Variants in WNK2 observed in about 807,000 individuals in gnomAD.
WNK2 encodes serine/threonine-protein kinase WNK2.
In WNK2, 67 loss-of-function variants were observed where a neutral mutation model predicts 192.1. The observed-to-expected ratio is 0.35, with a 90% CI of 0.29 to 0.43. The LOEUF (loss-of-function observed/expected upper bound fraction) is 0.43. WNK2 is among the 20% of genes least tolerant of loss of function. WNK2 has a pLI of 1.00. For synonymous variants in WNK2, 1,439 were observed against 1,393.9 expected (o/e 1.03, Z -0.72); for missense variants, 2,698 against 3,089.7 (o/e 0.87, Z 3.01).
rs761716684 is a variant in WNK2 at position 93,299,256 on chromosome 9, G to T, written c.6110G>T (p.Gly2037Val). The change falls in exon 25 of 30, where the codon GGC (glycine) becomes GTC (valine). Residue 2037 changes from glycine (G) to valine (V), a missense_variant. By Grantham distance (109) the Gly-to-Val change is moderately radical. This residue lies in a region of WNK2 where 1,098 missense variants were observed against 1,101.0 expected (regional missense o/e 1.00). Coordinates refer to ENST00000427277, the MANE Select transcript of WNK2 (RefSeq NM_006648.4). ...GCCAGTGATGGAGGCGGAGCGCGTG[G>T]CCAAGGTGATTTCCAGCTTGCCTGT... ...GLASDGGGAR[G>V]QGWTVYHPTS... The T allele has an allele frequency of 2.6e-6, 4 of 1,562,752 alleles. No individual in the cohort carries two copies. Among genetic ancestry groups the T allele is most frequent in the Non-Finnish European group, 2.6e-6 (3 of 1,148,296 alleles).
intron 2 of WNK2, among the ~76,000 whole-genome samples, chr9:93,223,834 C>T (rs966007048): frequency 7.2e-5 from 11 of 152,332 alleles, no homozygotes; most frequent in African/African-American, 2.4e-4. Context: ...GGGACACCCT[C>T]CCGGGGGTGG....
intron 16 of WNK2, among the ~76,000 whole-genome samples, chr9:93,265,384 A>G (rs1347825448): frequency 6.6e-6 from 1 of 152,168 alleles, no homozygotes; most frequent in Non-Finnish European, 1.5e-5. Context: ...GTGGGAGATG[A>G]GGAATATGGT....
chr9:93,270,662 C>G (rs2133294852), intron 19 of WNK2, among the ~76,000 whole-genome samples: 1 of 152,322 alleles, frequency 6.6e-6, no homozygotes, highest in African/African-American at 2.4e-5. Context: ...GTAGTTCCAT[C>G]TCCCAGACCA....
chr9:93,317,464 A>G (rs1020840982), intron 28 of WNK2, 56 bp from the exon 29 acceptor site: 4 of 1,565,760 alleles, frequency 2.6e-6, no homozygotes, highest in Non-Finnish European at 2.6e-6. Context: ...CCACTAAGGG[A>G]GGCCAGCTGA....
chr9:93,261,902 C>T lies in WNK2; in HGVS notation c.3155C>T (p.Pro1052Leu), dbSNP rs745454786. 21 of 1,605,338 alleles carry T rather than the reference C, an allele frequency of 1.3e-5. No individual in the cohort carries two copies. Among genetic ancestry groups the T allele is most frequent in the Middle Eastern group, 3.3e-4 (2 of 6,080 alleles). ...GTGCCACCGGCTGCGGTCCTCTCGC[C>T]GCCTCTGCCGGAAGTGCTGCTGCCT... The part of the protein sequence containing the change: ...VPVPPAAVLS[P>L]PLPEVLLPAA... Residue 1052 changes from proline to leucine, a missense_variant, in exon 13 of 30, where the codon CCG (proline) becomes CTG (leucine). Physicochemically the swap from Pro to Leu is moderately conservative, Grantham distance 98 (BLOSUM62 -3). Transcript: ENST00000427277.
At chr9:93,319,006 C>T in intron 29 of WNK2, 2 of 1,516,068 alleles carry the variant, frequency 1.3e-6, no homozygotes, top group Non-Finnish European at 1.8e-6. Flanking sequence ...TATGCAGAAT[C>T]TTCTGCCAGG....
chr9:93,199,259 C>T (rs954970971), intron 2 of WNK2, among the ~76,000 whole-genome samples: 1 of 152,216 alleles, frequency 6.6e-6, no homozygotes, highest in Non-Finnish European at 1.5e-5. Context: ...CAGGACTGAG[C>T]CGAGATGCTT....
chr9:93,187,883 A>G (rs960692447), intron 2 of WNK2, among the ~76,000 whole-genome samples: 1 of 151,244 alleles, frequency 6.6e-6, no homozygotes, highest in Non-Finnish European at 1.5e-5. Flanking sequence ...GGGGCGTTGG[A>G]CTCTGCGAGG....
chr9:93,226,330 G>A (rs914268925), intron 2 of WNK2, among the ~76,000 whole-genome samples: 1 of 152,140 alleles, frequency 6.6e-6, no homozygotes, highest in African/African-American at 2.4e-5. Flanking sequence ...TATACTTCAT[G>A]GTGTCTGTTC....
intron 23 of WNK2, among the ~76,000 whole-genome samples, chr9:93,295,124 CTG>C (rs1457889475): frequency 1.3e-5 from 2 of 152,150 alleles, no homozygotes; most frequent in East Asian, 3.9e-4. Context: ...CCGCGGGGCT[CTG>C]TGGTGAGCAG....
chr9:93,299,382 G>C, intron 25 of WNK2, 121 bp downstream of exon 25: 1 of 1,050,490 alleles, frequency 9.5e-7, no homozygotes, highest in Non-Finnish European at 1.3e-6. Flanking sequence ...CTGTTGAGAG[G>C]CTTCTTTTAA....
At chr9:93,202,325 CGTGTGTGTGTGTGTGTGTGT>C (rs761769543) in intron 2 of WNK2, among the ~76,000 whole-genome samples, 2 of 130,562 alleles carry the variant, frequency 1.5e-5, no homozygotes, top group African/African-American at 5.5e-5. Context: ...TCCGTGTGCA[CGTGTGTGTGTGTGTGTGTGT>C]GTGTGTGTGT....
chr9:93,273,803 G>A (rs72743433), intron 19 of WNK2, among the ~76,000 whole-genome samples: 6,380 of 152,288 alleles, frequency 0.042, 193 homozygotes, highest in East Asian at 0.15. Context: ...TGTCAAGTAT[G>A]TTCTCCGATA....
chr9:93,203,295 G>A (rs954178018), intron 2 of WNK2, among the ~76,000 whole-genome samples: 1 of 152,212 alleles, frequency 6.6e-6, no homozygotes, highest in African/African-American at 2.4e-5. Flanking sequence ...CAGGACCATG[G>A]CTGGAGTGGA....
Position 93,289,000 on chromosome 9 carries a change from C to A in WNK2, c.4246C>A (p.Gln1416Lys). 1 of 1,601,946 alleles carries A rather than the reference C, an allele frequency of 6.2e-7. No homozygotes were observed. ...AGAGCCAGCGTCAGGAACTGCCAGC[C>A]AGGCAGGGGGTCCAGGGACACCTCA... ...MPEPASGTAS[Q>K]AGGPGTPQGL... The change falls in exon 20 of 30, where the codon CAG becomes AAG. Residue 1416 changes from glutamine (Q) to lysine (K), a missense_variant. By Grantham distance (53) the Gln-to-Lys change is moderately conservative (BLOSUM62 1). This residue lies in a region of WNK2 where 1,098 missense variants were observed against 1,101.0 expected (regional missense o/e 1.00). Transcript: ENST00000427277.
intron 2 of WNK2, among the ~76,000 whole-genome samples, chr9:93,215,926 GC>G (rs1273409219): frequency 6.6e-6 from 1 of 152,104 alleles, no homozygotes; most frequent in East Asian, 1.9e-4. Flanking sequence ...CATATTTGAG[GC>G]TCTGGGTGAT....
chr9:93,249,871 C>G (rs1842294466), intron 8 of WNK2, among the ~76,000 whole-genome samples: 1 of 145,730 alleles, frequency 6.9e-6, no homozygotes, highest in Non-Finnish European at 1.5e-5. Flanking sequence ...TAGCAAATCA[C>G]TTCATTGTCC....
chr9:93,317,998 T>C, intron 29 of WNK2: 1 of 1,612,838 alleles, frequency 6.2e-7, no homozygotes, highest in Non-Finnish European at 8.5e-7. Flanking sequence ...GACTGCTTCC[T>C]TTGCGGCTTC....
chr9:93,272,289 TTC>T (rs1164876188), intron 19 of WNK2, among the ~76,000 whole-genome samples: 1 of 152,238 alleles, frequency 6.6e-6, no homozygotes, highest in Non-Finnish European at 1.5e-5. Flanking sequence ...CAATTTAACC[TTC>T]CATTCCACCA....
Sources: gnomAD v4.1 joint callset for allele counts (sites outside exome capture counted in the v4.1 genomes callset) on GRCh38, gnomAD v4.1.1 for gene constraint, gnomAD v4.1.1 regional missense constraint, MANE v1.5 for transcripts, NCBI Gene and HGNC (gene_info 2026-07-23, HGNC 2026-07-21) for gene names.